BCL2L14: variants seen among roughly 807,000 people sequenced by gnomAD.
BCL2L14 encodes the protein BCL2 like 14.
A neutral mutation model predicts 35.3 loss-of-function variants in BCL2L14; 27 were observed. That is an observed-to-expected ratio of 0.76 (90% confidence interval 0.56 to 1.05). BCL2L14 has a LOEUF of 1.05. Among genes scored for constraint, BCL2L14 ranks in the 50% least tolerant of loss-of-function variants. BCL2L14 has a pLI of 0.00. For synonymous variants in BCL2L14, 139 were observed against 145.9 expected (o/e 0.95, Z 0.34); for missense variants, 377 against 382.6 (o/e 0.99, Z 0.12).
chr12:12,098,393 C>T (rs1949359937), intron 5 of BCL2L14, among the ~76,000 whole-genome samples: 1 of 152,194 alleles, frequency 6.6e-6, no homozygotes, highest in South Asian at 2.1e-4. Flanking sequence ...TTTATGATGG[C>T]TCCTTTAATC....
chr12:12,079,942 C>T (rs977788760), intron 2 of BCL2L14, among the ~76,000 whole-genome samples: 3 of 152,114 alleles, frequency 2.0e-5, no homozygotes, highest in Non-Finnish European at 4.4e-5. Flanking sequence ...CGGTGGCTCA[C>T]GCCTGTAATC....
intron 2 of BCL2L14, among the ~76,000 whole-genome samples, chr12:12,053,345 G>C (rs964623719): frequency 6.6e-6 from 1 of 152,078 alleles, no homozygotes; most frequent in African/African-American, 2.4e-5. Context: ...AAAAACACAA[G>C]GGCAGGGCTG....
Position 12,060,668 on chromosome 12 carries a change from A to T in BCL2L14, c.-272+8821A>T, listed in dbSNP as rs1288732651. On this transcript the variant is annotated intron_variant, in intron 2 of 3. Coordinates refer to the BCL2L14 transcript ENST00000461264. The stretch of plus-strand genomic sequence containing the variant: ...CCTCCTCCCCGAGGAGCTTGCTACA[A>T]GTGCCAGAAATCTGACCACCAGGCC... Among the ~76,000 whole-genome samples, 11 of 47,794 alleles carry T rather than the reference A, an allele frequency of 2.3e-4. 4 individuals are homozygous for T. The highest frequency in any genetic ancestry group is 4.7e-4 in the African/African-American group (5 of 10,626). 31.4% of individuals were successfully genotyped at this position (47,794 alleles called of 152,430 possible).
rs1446098950 is a variant in BCL2L14 at position 12,049,955 on chromosome 12, G to A, written c.-324+1G>A. 6.6e-6 allele frequency: 1 copy of A among 152,172 alleles called. No individual in the cohort carries two copies. The highest frequency in any genetic ancestry group is 2.4e-5 in the African/African-American group (1 of 41,450). 9.4% of individuals were successfully genotyped at this position (152,172 alleles called of 1,614,324 possible). ...AAGAACGTTATTGTAAGGGGGAAAT[G>A]TGAGTGCTACATAAGTTTCTTATAA... is the stretch of plus-strand genomic sequence containing the variant. On this transcript the variant is annotated splice_donor_variant, in intron 1 of 3. Transcript: ENST00000461264. LOFTEE classifies it low-confidence loss of function (5UTR_SPLICE).
chr12:12,063,660 T>C (rs1591808159), intron 2 of BCL2L14, among the ~76,000 whole-genome samples: 1 of 152,256 alleles, frequency 6.6e-6, no homozygotes, highest in South Asian at 2.1e-4. Context: ...TTATTTTTCT[T>C]ATTAATATAA....
intron 2 of BCL2L14, among the ~76,000 whole-genome samples, chr12:12,080,631 A>C (rs1405896628): frequency 4.6e-5 from 7 of 151,598 alleles, no homozygotes; most frequent in African/African-American, 1.7e-4. Context: ...AAAAAAAAAA[A>C]AAAAAAGAAC....
intron 1 of BCL2L14, chr12:12,077,955 A>G: frequency 2.3e-6 from 1 of 442,276 alleles, no homozygotes; most frequent in Non-Finnish European, 4.5e-6. Flanking sequence ...TCCTAGCAGG[A>G]AACCAGAGAA....
intron 2 of BCL2L14, among the ~76,000 whole-genome samples, chr12:12,058,824 A>T (rs1948473899): frequency 6.6e-6 from 1 of 152,288 alleles, no homozygotes; most frequent in South Asian, 2.1e-4. Context: ...CCCTTGGGAG[A>T]TCAATCCCCT....
intron 1 of BCL2L14, among the ~76,000 whole-genome samples, chr12:12,075,090 T>C (rs1173073995): frequency 2.6e-5 from 4 of 151,434 alleles, no homozygotes; most frequent in African/African-American, 9.7e-5. Context: ...TTGATGTCTC[T>C]TTTTTTTTAA....
At position 12,094,890 on chromosome 12, in the gene BCL2L14, AAG is replaced by A. The variant is rs1431904765; in HGVS notation, c.909_910del (p.Asn304LeufsTer20). The A allele has an allele frequency of 1.9e-6, 3 of 1,614,154 alleles. No individual in the cohort carries two copies. The highest frequency in any genetic ancestry group is 2.5e-6 in the Non-Finnish European group (3 of 1,180,044). ...CTGGGCTTTGGCACCAAGTACCTGAAAGAGAACTTCTCGCCATGGATCCAGCA... is the reference window on the plus strand; with the variant it reads ...CTGGGCTTTGGCACCAAGTACCTGAAAGAACTTCTCGCCATGGATCCAGCA... On this transcript the variant is annotated frameshift_variant, in exon 5 of 6. Coordinates refer to ENST00000308721, the MANE Select transcript of BCL2L14 (RefSeq NM_138723.2). LOFTEE classifies it high-confidence loss of function.
At chr12:12,072,504 G>A (rs1948689271) in intron 1 of BCL2L14, 1 of 152,306 alleles carries the variant, frequency 6.6e-6, no homozygotes, top group African/African-American at 2.4e-5. Context: ...TTACAGGTAA[G>A]GATCAGGAAG....
At chr12:12,057,538 A>T (rs1948450908) in intron 2 of BCL2L14, among the ~76,000 whole-genome samples, 1 of 152,092 alleles carries the variant, frequency 6.6e-6, no homozygotes, top group African/African-American at 2.4e-5. Context: ...CGGGTGGATC[A>T]CCTGAGGTCG....
chr12:12,050,734 T>C (rs1166438226), intron 1 of BCL2L14, among the ~76,000 whole-genome samples: 2 of 137,522 alleles, frequency 1.5e-5, no homozygotes, highest in African/African-American at 2.8e-5. Context: ...TGGGCCACAC[T>C]GGAAGAAGAA....
chr12:12,094,556 G>C, intron 4 of BCL2L14, 108 bp from the exon 5 acceptor site: 1 of 1,614,216 alleles, frequency 6.2e-7, no homozygotes, highest in Non-Finnish European at 8.5e-7. Flanking sequence ...CAGCATCCAG[G>C]GTTTTCCACA....
At chr12:12,069,773 A>C (rs1948642092), upstream of BCL2L14, among the ~76,000 whole-genome samples, 1 of 152,038 alleles carries the variant, frequency 6.6e-6, no homozygotes, top group Non-Finnish European at 1.5e-5. Context: ...GTATTTCTTT[A>C]ATACCCTCTA....
intron 1 of BCL2L14, among the ~76,000 whole-genome samples, chr12:12,075,671 C>T (rs990993307): frequency 6.7e-6 from 1 of 150,288 alleles, no homozygotes; most frequent in African/African-American, 2.5e-5. Flanking sequence ...GTGAACTACC[C>T]GCCTTGGCCT....
At chr12:12,065,642 GATAAAGA>G in intron 2 of BCL2L14, among the ~76,000 whole-genome samples, 1 of 152,024 alleles carries the variant, frequency 6.6e-6, no homozygotes, top group South Asian at 2.1e-4. Context: ...AGTAATGGAA[GATAAAGA>G]TTGCCTTAGT....
At chr12:12,076,208 G>A (rs1471547705) in intron 1 of BCL2L14, among the ~76,000 whole-genome samples, 1 of 131,624 alleles carries the variant, frequency 7.6e-6, no homozygotes, top group African/African-American at 2.9e-5. Context: ...TGGGATGCCC[G>A]GAAAATGCAT....
chr12:12,086,456 C>A (rs142783504), intron 2 of BCL2L14, among the ~76,000 whole-genome samples: 56 of 152,368 alleles, frequency 3.7e-4, no homozygotes, highest in Non-Finnish European at 6.2e-4. Flanking sequence ...GGCGACTGGT[C>A]TCTTATAGGC....
Sources: gnomAD v4.1 joint callset for allele counts (sites outside exome capture counted in the v4.1 genomes callset) on GRCh38, gnomAD v4.1.1 for gene constraint, MANE v1.5 for transcripts, NCBI Gene and HGNC (gene_info 2026-07-23, HGNC 2026-07-21) for gene names.